The following EHMT2 variants were observed in gnomAD, a reference collection of about 807,000 sequenced individuals.
EHMT2 encodes euchromatic histone lysine methyltransferase 2, also known as histone-lysine N-methyltransferase EHMT2.
A neutral mutation model predicts 143.3 loss-of-function variants in EHMT2; 59 were observed. The ratio of observed to expected loss-of-function variants is 0.41; its 90% CI spans 0.33 to 0.51. EHMT2 has a LOEUF of 0.51. Ranked by LOEUF, EHMT2 falls within the 20% of genes least tolerant of loss-of-function variation. The probability of loss-of-function intolerance (pLI) is 0.18; values close to 1 mark genes in which losing one functional copy is unlikely to be tolerated. For missense variants in EHMT2, 1,174 were observed against 1,645.9 expected (o/e 0.71, Z 4.96); for synonymous variants, 604 against 651.5 (o/e 0.93, Z 1.11).
Position 31,880,071 on chromosome 6 carries a change from G to C in EHMT2, c.*13C>G. 1 of 1,609,422 alleles carries C rather than the reference G, an allele frequency of 6.2e-7. No individual in the cohort carries two copies. The highest frequency in any genetic ancestry group is 1.1e-5 in the South Asian group (1 of 90,926). On this transcript the variant is annotated 3_prime_UTR_variant, in exon 28 of 28. Transcript: ENST00000375537. This position sits in a 1 kb window ranked among gnomAD's most constrained non-coding sequence, Gnocchi z 6.6. ...TGGCCATCCATGCTGGGGAGAGAGG[G>C]TGTGGTCCGTTCTCATGTGTTGACA...
At chr6:31,886,671 A>C in exon 18 of EHMT2, 5 of 1,613,964 alleles carry the variant, frequency 3.1e-6, no homozygotes, top group Non-Finnish European at 4.2e-6. Flanking sequence ...GGCAGGTGGA[A>C]CCGTCCTCCT....
intron 7 of EHMT2, 97 bp downstream of exon 7, chr6:31,892,310 G>A (rs1765791685): frequency 7.2e-7 from 1 of 1,395,188 alleles, no homozygotes; most frequent in African/African-American, 1.4e-5. Flanking sequence ...AAGATAAAAA[G>A]GACAGAAAGC....
chr6:31,896,352 AC>A lies in EHMT2; in HGVS notation c.492del (p.Ser165LeufsTer46). 6.2e-7 allele frequency: 1 copy of A among 1,612,506 alleles called. No homozygotes were observed. The highest frequency in any genetic ancestry group is 8.5e-7 in the Non-Finnish European group (1 of 1,179,926). ...CTCGTGGTGGCTGGAGGGGGTTCAG[AC>A]CCTGCTGCTGCAGCTCCCTGGGCTC... On this transcript the variant is annotated frameshift_variant, in exon 4 of 28. Transcript: ENST00000375537. LOFTEE classifies it high-confidence loss of function.
intron 18 of EHMT2, chr6:31,886,320 T>C (rs183655959): frequency 2.3e-5 from 12 of 522,634 alleles, no homozygotes; most frequent in African/African-American, 1.9e-4. Flanking sequence ...ATCCAATGTA[T>C]GACAACCCAA....
Position 31,880,919 on chromosome 6 carries a change from A to C in EHMT2, c.3277-71T>G, listed in dbSNP as rs889744495. 2 of 1,607,420 alleles carry C rather than the reference A, an allele frequency of 1.2e-6. No individual in the cohort carries two copies. Among genetic ancestry groups the C allele is most frequent in the Non-Finnish European group, 1.7e-6 (2 of 1,175,350 alleles). On this transcript the variant is annotated intron_variant, in intron 26 of 27. Coordinates refer to ENST00000375537, the Ensembl canonical transcript of EHMT2. The surrounding 1 kb of genome is among the most constrained non-coding windows in gnomAD (Gnocchi z 6.6). ...TGCCCTCCCCACCCACTGACTCCCCAGTCCCTCCTCCCCAGGTTTCCATTT... is the reference window on the plus strand; with the variant it reads ...TGCCCTCCCCACCCACTGACTCCCCCGTCCCTCCTCCCCAGGTTTCCATTT...
rs1764572404 is a variant in EHMT2 at position 31,884,608 on chromosome 6, T to C, written c.2603+37A>G. The C allele has an allele frequency of 1.9e-6, 3 of 1,602,252 alleles. No homozygotes were observed. The highest frequency in any genetic ancestry group is 2.2e-5 in the East Asian group (1 of 44,548). On this transcript the variant is annotated intron_variant, in intron 20 of 27. Coordinates refer to ENST00000375537, the Ensembl canonical transcript of EHMT2. The surrounding 1 kb of genome is among the most constrained non-coding windows in gnomAD (Gnocchi z 7.3). ...ATGCAGGGTCTGAGGCTGCAAGAAG[T>C]GGGGGCAGGGGCATCAAGGGCGGGG...
intron 24 of EHMT2, 21 bp from the exon 25 acceptor site, chr6:31,882,806 G>A (rs562966007): frequency 1.4e-5 from 23 of 1,611,976 alleles, no homozygotes; most frequent in South Asian, 1.2e-4. Context: ...GAGAGATGGC[G>A]CTGTTGGGTG....
At chr6:31,890,380 C>T (rs892892090) in intron 7 of EHMT2, among the ~76,000 whole-genome samples, 2 of 152,000 alleles carry the variant, frequency 1.3e-5, no homozygotes, top group African/African-American at 4.8e-5. Flanking sequence ...CCTCAGCCTC[C>T]TGAGTAGCTG....
chr6:31,887,748 A>C, intron 14 of EHMT2, 31 bp downstream of exon 14: 1 of 1,602,364 alleles, frequency 6.2e-7, no homozygotes. Context: ...CCTCAGCCCC[A>C]GTTGCTGTGC....
intron 16 of EHMT2, 27 bp downstream of exon 16, chr6:31,886,968 G>A (rs1764941503): frequency 6.2e-7 from 1 of 1,613,772 alleles, no homozygotes; most frequent in Non-Finnish European, 8.5e-7. Context: ...CCTGGTGAAT[G>A]AGGCATGGGG....
In EHMT2 at chr6:31,883,348, C is replaced by CA. The variant is rs1344128984; in HGVS notation, c.2994+13dup. The CA allele has an allele frequency of 6.2e-7, 1 of 1,612,654 alleles. No homozygotes were observed. The highest frequency in any genetic ancestry group is 2.2e-5 in the East Asian group (1 of 44,874). ...AGGGGCCGGGTGTCTGTGGCCAAGG[C>CA]AAGGGGCACGCACCTTGTCATACCA... On this transcript the variant is annotated intron_variant, in intron 23 of 27. Coordinates refer to ENST00000375537, the Ensembl canonical transcript of EHMT2. This position sits in a 1 kb window ranked among gnomAD's most constrained non-coding sequence, Gnocchi z 5.6.
In EHMT2 at chr6:31,892,098, C is replaced by G. The variant is rs9501158; in HGVS notation, c.864+309G>C. ...CTCTACTAAAAATACAAAAATTAGC[C>G]GGGCGTGGTGGCAGGTGCCTGTAAT... On this transcript the variant is annotated intron_variant, in intron 7 of 27. Transcript: ENST00000375537. 2.0e-4 allele frequency among the ~76,000 whole-genome samples: 30 copies of G among 152,016 alleles called. 1 individual carries two copies. The highest frequency in any genetic ancestry group is 7.0e-4 in the African/African-American group (29 of 41,368).
At position 31,888,329 on chromosome 6, in the gene EHMT2, G is replaced by A. The variant is rs1204626959; in HGVS notation, c.1509+34C>T. The stretch of plus-strand genomic sequence containing the variant: ...GTTACTGGGGCCCCCTCTGCCACAG[G>A]GCATGCTACCTGTCTGCCCCACTGG... On this transcript the variant is annotated intron_variant, in intron 12 of 27. Coordinates refer to ENST00000375537, the Ensembl canonical transcript of EHMT2. The surrounding 1 kb of genome is among the most constrained non-coding windows in gnomAD (Gnocchi z 7.4). 1 of 1,611,632 alleles carries A rather than the reference G, an allele frequency of 6.2e-7. No homozygotes were observed. The highest frequency in any genetic ancestry group is 1.7e-5 in the Admixed American group (1 of 59,912).
chr6:31,885,058 G>A (rs764962084), intron 18 of EHMT2, 42 bp from the exon 19 acceptor site: 3 of 1,566,834 alleles, frequency 1.9e-6, no homozygotes, highest in Admixed American at 1.8e-5. Flanking sequence ...AGCTGGCCCT[G>A]CTCACCAAAG....
At chr6:31,894,530 G>A (rs1031003107) in intron 4 of EHMT2, among the ~76,000 whole-genome samples, 2 of 151,922 alleles carry the variant, frequency 1.3e-5, no homozygotes, top group South Asian at 2.1e-4. Context: ...TGATCCTCCC[G>A]CCTCGGCCTC....
Position 31,881,493 on chromosome 6 carries a change from T to G in EHMT2, c.3198-401A>C. The stretch of plus-strand genomic sequence containing the variant: ...GAGTGGCAAGGAACTCAAGGCATGA[T>G]TCGGGGCAAGAGCACCCACACATAT... On this transcript the variant is annotated intron_variant, in intron 25 of 27. Transcript: ENST00000375537. The surrounding 1 kb of genome is among the most constrained non-coding windows in gnomAD (Gnocchi z 4.8). The G allele has an allele frequency of 3.4e-6, 1 of 293,530 alleles. No homozygotes were observed. Among genetic ancestry groups the G allele is most frequent in the East Asian group, 7.2e-5 (1 of 13,972 alleles). 18.2% of individuals were successfully genotyped at this position (293,530 alleles called of 1,614,324 possible).
At chr6:31,896,117 G>T in intron 4 of EHMT2, 146 bp downstream of exon 4, 1 of 1,198,114 alleles carries the variant, frequency 8.3e-7, no homozygotes, top group Non-Finnish European at 1.2e-6. Flanking sequence ...TTGGTTCACA[G>T]ATCAAGCACA....
rs1411359918 is a variant in EHMT2 at position 31,884,113 on chromosome 6, C to T, written c.2772-163G>A. 2.4e-6 allele frequency: 2 copies of T among 828,586 alleles called. No homozygotes were observed. Among genetic ancestry groups the T allele is most frequent in the African/African-American group, 1.7e-5 (1 of 57,944 alleles). 51.3% of individuals were successfully genotyped at this position (828,586 alleles called of 1,614,324 possible). The stretch of plus-strand genomic sequence containing the variant: ...GAGTTAACATAGAATTTTAGATAAA[C>T]AAGAAATAGCTTTTTAGTATGTCCC... On this transcript the variant is annotated intron_variant, in intron 21 of 27. Transcript: ENST00000375537. This position sits in a 1 kb window ranked among gnomAD's most constrained non-coding sequence, Gnocchi z 7.3.
Position 31,888,027 on chromosome 6 carries a change from G to T in EHMT2, c.1745+14C>A, listed in dbSNP as rs770211613. 23 of 1,572,280 alleles carry T rather than the reference G, an allele frequency of 1.5e-5. No homozygotes were observed. The highest frequency in any genetic ancestry group is 4.7e-5 in the South Asian group (4 of 84,744). ...GGGGAGGGAACAGACAGTACAGAAGGGGGAGGCCAGTACCTGGGCTGAGAA... is the reference window on the plus strand; with the variant it reads ...GGGGAGGGAACAGACAGTACAGAAGTGGGAGGCCAGTACCTGGGCTGAGAA... On this transcript the variant is annotated intron_variant, in intron 13 of 27. Coordinates refer to ENST00000375537, the Ensembl canonical transcript of EHMT2. The surrounding 1 kb of genome is among the most constrained non-coding windows in gnomAD (Gnocchi z 7.4).
Sources: allele counts gnomAD v4.1 joint callset (sites outside exome capture counted in the v4.1 genomes callset), GRCh38; gene constraint gnomAD v4.1.1; non-coding constraint Gnocchi (gnomAD v3.1); transcripts MANE v1.5; gene names NCBI Gene and HGNC (gene_info 2026-07-23, HGNC 2026-07-21).